The following SLC28A1 variants were observed in gnomAD, a reference collection of about 807,000 sequenced individuals.
SLC28A1 encodes the protein sodium/nucleoside cotransporter 1.
In SLC28A1, 64 loss-of-function variants were observed where a neutral mutation model predicts 74.8. That is an observed-to-expected ratio of 0.86 (90% confidence interval 0.70 to 1.05). The LOEUF is 1.05. Ranked by LOEUF, SLC28A1 falls within the 50% of genes least tolerant of loss-of-function variation. The probability of loss-of-function intolerance (pLI) is 0.00; values close to 1 mark genes in which losing one functional copy is unlikely to be tolerated. For missense variants in SLC28A1, 828 were observed against 822.8 expected (o/e 1.01, Z -0.08); for synonymous variants, 359 against 335.0 (o/e 1.07, Z -0.78).
chr15:84,902,580 G>A (rs1265745489), intron 6 of SLC28A1, among the ~76,000 whole-genome samples: 3 of 152,038 alleles, frequency 2.0e-5, no homozygotes, highest in Non-Finnish European at 4.4e-5. Context: ...TGATGGATAC[G>A]TTCACTCTCT....
rs1442001919 is a variant in SLC28A1, at chr15:84,888,435, C to T, written c.97-337C>T. On this transcript the variant is annotated intron_variant, in intron 3 of 18. Transcript: ENST00000394573. ...AAAACAGCTCCACAGACGGTGGGTG[C>T]ATGGTGCCCTGAGGTCATGTGATGA... Among the ~76,000 whole-genome samples the T allele has an allele frequency of 3.5e-5, 5 of 144,274 alleles. No individual in the cohort carries two copies. The South Asian group carries it at 1.2e-3, about 35-fold the overall frequency. The allele number at this position is 144,274 out of a possible 152,430, so 94.6% of individuals were successfully genotyped here.
chr15:84,924,910 G>GT (rs71466063), intron 12 of SLC28A1, among the ~76,000 whole-genome samples: 82,090 of 146,404 alleles, frequency 0.56, 23,875 homozygotes, highest in Middle Eastern at 0.74. Flanking sequence ...TTTTTTGTTT[G>GT]TTTGTTTTTG....
At position 84,906,296 on chromosome 15, in the gene SLC28A1, AG is replaced by A. The variant is rs529137388; in HGVS notation, c.717+646del. Among the ~76,000 whole-genome samples, 195 of 152,008 alleles carry A rather than the reference AG, an allele frequency of 1.3e-3. 1 individual carries two copies. The highest frequency in any genetic ancestry group is 4.5e-3 in the African/African-American group (187 of 41,476). Reference sequence around the variant, plus strand: ...CGGCCTCCCAAAGTGCTGGGATTACAGGTGTAAGCCACCACACCTGGGCCCA... The same window carrying A: ...CGGCCTCCCAAAGTGCTGGGATTACAGTGTAAGCCACCACACCTGGGCCCA... On this transcript the variant is annotated intron_variant, in intron 8 of 18. Coordinates refer to ENST00000394573, the MANE Select transcript of SLC28A1 (RefSeq NM_004213.5).
intron 12 of SLC28A1, among the ~76,000 whole-genome samples, chr15:84,927,750 T>G (rs1389824326): frequency 6.6e-6 from 1 of 152,192 alleles, no homozygotes; most frequent in Non-Finnish European, 1.5e-5. Flanking sequence ...AGAATTGGAC[T>G]GATAAATGGG....
chr15:84,947,446 C>T (rs924799353), downstream of SLC28A1, among the ~76,000 whole-genome samples: 11 of 152,244 alleles, frequency 7.2e-5, no homozygotes, highest in Non-Finnish European at 1.5e-4. Flanking sequence ...ATTCTGTGGC[C>T]AGTGGCCTTC....
the SLC28A1 span, among the ~76,000 whole-genome samples, chr15:84,951,369 A>G: frequency 6.6e-6 from 1 of 151,752 alleles, no homozygotes; most frequent in African/African-American, 2.4e-5. Context: ...GGTGGAGGCT[A>G]CAGTGAGCCA....
intron 12 of SLC28A1, among the ~76,000 whole-genome samples, chr15:84,928,874 C>G (rs1433302697): frequency 1.3e-4 from 19 of 151,822 alleles, no homozygotes; most frequent in Admixed American, 4.6e-4. Flanking sequence ...CCACCCGCCT[C>G]GGCCTCCCAA....
At chr15:84,966,180 C>T in the SLC28A1 span, among the ~76,000 whole-genome samples, 335 of 152,210 alleles carry the variant, frequency 2.2e-3, 2 homozygotes, top group African/African-American at 7.8e-3. Context: ...CAGGTTGAAG[C>T]GATTCTTCTG....
chr15:84,935,562 C>T (rs1169472508), intron 15 of SLC28A1, 44 bp downstream of exon 15: 3 of 1,538,842 alleles, frequency 1.9e-6, no homozygotes, highest in Non-Finnish European at 2.7e-6. Flanking sequence ...GATGACACGG[C>T]ACAGCCACTC....
intron 5 of SLC28A1, 70 bp from the exon 6 acceptor site, chr15:84,894,870 C>G (rs968148557): frequency 1.3e-6 from 2 of 1,484,284 alleles, no homozygotes; most frequent in Non-Finnish European, 1.9e-6. Context: ...GTGGAGTCCG[C>G]GGGCGGGGCT....
chr15:84,933,313 T>C (rs1596339989), intron 13 of SLC28A1, 38 bp downstream of exon 13: 3 of 1,606,612 alleles, frequency 1.9e-6, no homozygotes, highest in South Asian at 2.2e-5. Flanking sequence ...AGGGTAGTGG[T>C]ACAAGGTGGG....
intron 12 of SLC28A1, among the ~76,000 whole-genome samples, chr15:84,929,838 G>T (rs939224573): frequency 1.3e-5 from 2 of 152,230 alleles, no homozygotes; most frequent in African/African-American, 4.8e-5. Context: ...CTCCAGCCTG[G>T]GTGACAGAGC....
chr15:84,922,764 A>G, intron 11 of SLC28A1, among the ~76,000 whole-genome samples: 1 of 152,224 alleles, frequency 6.6e-6, no homozygotes, highest in Non-Finnish European at 1.5e-5. Flanking sequence ...TGCAGCAGAC[A>G]TGCTGACTGC....
chr15:84,945,226 G>C lies in SLC28A1; in HGVS notation c.*26G>C. The C allele has an allele frequency of 6.2e-7, 1 of 1,603,632 alleles. No individual in the cohort carries two copies. Among genetic ancestry groups the C allele is most frequent in the Non-Finnish European group, 8.5e-7 (1 of 1,170,490 alleles). On this transcript the variant is annotated 3_prime_UTR_variant, in exon 19 of 19. Transcript: ENST00000394573. ...GGACAGAACATGCTTGTGCTTCTGC[G>C]CTTCTGAGGGCTGTTCTCCCCCGGG...
chr15:84,946,092 A>ATG (rs2079204510), downstream of SLC28A1, among the ~76,000 whole-genome samples: 1 of 12,558 alleles, frequency 8.0e-5, no homozygotes, highest in Non-Finnish European at 1.9e-4. Flanking sequence ...GTTCATATAT[A>ATG]TATATATATA....
At chr15:84,910,664 G>A (rs1968051146) in intron 9 of SLC28A1, among the ~76,000 whole-genome samples, 1 of 152,162 alleles carries the variant, frequency 6.6e-6, no homozygotes, top group Non-Finnish European at 1.5e-5. Flanking sequence ...GGAGGCAGAG[G>A]TTGCAGTGAG....
intron 12 of SLC28A1, among the ~76,000 whole-genome samples, chr15:84,925,067 GTTTTTTTTTTTT>G (rs964017770): frequency 6.3e-4 from 53 of 84,148 alleles, no homozygotes; most frequent in Admixed American, 2.5e-3. Context: ...CGCCCAGCTA[GTTTTTTTTTTTT>G]TTTTTTTTTT....
chr15:84,938,142 G>A (rs2077552533), intron 15 of SLC28A1, among the ~76,000 whole-genome samples: 1 of 149,634 alleles, frequency 6.7e-6, no homozygotes, highest in African/African-American at 2.5e-5. Context: ...GGAGGTTGCA[G>A]TGAGCCAAGA....
the SLC28A1 span, among the ~76,000 whole-genome samples, chr15:84,956,468 C>CTTTCCTTCTTTCTTTCTTTCT: frequency 2.1e-4 from 14 of 67,124 alleles, no homozygotes; most frequent in African/African-American, 5.8e-4. Context: ...TCTTTCTTTC[C>CTTTCCTTCTTTCTTTCTTTCT]TTCTTTCTTT....
Sources: allele counts gnomAD v4.1 joint callset (sites outside exome capture counted in the v4.1 genomes callset), GRCh38; gene constraint gnomAD v4.1.1; transcripts MANE v1.5; gene names NCBI Gene and HGNC (gene_info 2026-07-23, HGNC 2026-07-21).